The following FLRT2 variants were observed in gnomAD, a reference collection of about 807,000 sequenced individuals.
FLRT2 encodes the protein leucine-rich repeat transmembrane protein FLRT2.
FLRT2 carries 15 observed loss-of-function variants against 40.0 expected under a neutral mutation model. The ratio of observed to expected loss-of-function variants is 0.38; its 90% CI spans 0.25 to 0.58. The LOEUF is 0.58. FLRT2 is among the 20% of genes least tolerant of loss of function. The probability of loss-of-function intolerance (pLI) is 0.71; values close to 1 mark genes in which losing one functional copy is unlikely to be tolerated. For missense variants in FLRT2, 726 were observed against 840.0 expected, an observed-to-expected ratio of 0.86 and a Z score of 1.68; for synonymous variants, 380 against 336.8, an observed-to-expected ratio of 1.13 and a Z score of -1.41.
At chr14:85,597,729 C>T (rs1051612524) in intron 1 of FLRT2, among the ~76,000 whole-genome samples, 3 of 152,146 alleles carry the variant, frequency 2.0e-5, no homozygotes, top group Non-Finnish European at 2.9e-5. Flanking sequence ...GCTAAGGATG[C>T]GGCCAACTTT....
chr14:85,583,031 A>C (rs1334697811), intron 1 of FLRT2, among the ~76,000 whole-genome samples: 1 of 152,122 alleles, frequency 6.6e-6, no homozygotes, highest in African/African-American at 2.4e-5. Context: ...AGCCATCTGA[A>C]AGAAAAGAAC....
chr14:85,563,735 A>G (rs1038023897), intron 1 of FLRT2, among the ~76,000 whole-genome samples: 2 of 152,178 alleles, frequency 1.3e-5, no homozygotes, highest in East Asian at 1.9e-4. Context: ...CAGCAAAACC[A>G]TGACTTGGCT....
chr14:85,648,176 G>A lies in FLRT2; in HGVS notation c.*24679G>A, dbSNP rs1894352890. On this transcript the variant is annotated 3_prime_UTR_variant, in exon 2 of 2. Coordinates refer to ENST00000330753, the MANE Select transcript of FLRT2 (RefSeq NM_013231.6). Reference sequence around the variant, plus strand: ...TGTAAGCCTCATTCTAATTGCATAAGGAATAGTTACTGTATGTTAGGCAGG... The same window carrying A: ...TGTAAGCCTCATTCTAATTGCATAAAGAATAGTTACTGTATGTTAGGCAGG... 6.6e-6 allele frequency: 1 copy of A among 152,090 alleles called. No homozygotes were observed. The highest frequency in any genetic ancestry group is 1.5e-5 in the Non-Finnish European group (1 of 68,008). 9.4% of individuals were successfully genotyped at this position (152,090 alleles called of 1,614,324 possible).
intron 1 of FLRT2, among the ~76,000 whole-genome samples, chr14:85,538,661 T>G (rs1276736955): frequency 6.6e-6 from 1 of 152,076 alleles, no homozygotes; most frequent in African/African-American, 2.4e-5. Flanking sequence ...TGAAAAAATA[T>G]CAGGTCCCAA....
At chr14:85,614,814 T>G (rs1395391192) in intron 1 of FLRT2, among the ~76,000 whole-genome samples, 1 of 152,206 alleles carries the variant, frequency 6.6e-6, no homozygotes, top group Non-Finnish European at 1.5e-5. Flanking sequence ...AAATCAGTTA[T>G]TTTCTCTGAA....
chr14:85,588,227 A>G (rs1461439116), intron 1 of FLRT2, among the ~76,000 whole-genome samples: 6 of 152,120 alleles, frequency 3.9e-5, no homozygotes, highest in Non-Finnish European at 8.8e-5. Context: ...TTCTCCTCAC[A>G]TCTTGTTAAG....
chr14:85,619,394 C>G (rs1893284029), intron 1 of FLRT2, among the ~76,000 whole-genome samples: 2 of 152,080 alleles, frequency 1.3e-5, no homozygotes, highest in South Asian at 4.1e-4. Context: ...CAAGCCCGGC[C>G]ATGCTTGATT....
chr14:85,594,476 G>A (rs1445479199), intron 1 of FLRT2, among the ~76,000 whole-genome samples: 3 of 152,068 alleles, frequency 2.0e-5, no homozygotes, highest in Non-Finnish European at 2.9e-5. Flanking sequence ...CCCTAGGTGC[G>A]GCTTAGCTTG....
intron 1 of FLRT2, 42 bp downstream of exon 1, chr14:85,530,576 GC>G (rs1482123181): frequency 3.9e-5 from 6 of 152,796 alleles, no homozygotes; most frequent in Non-Finnish European, 8.8e-5. Context: ...CCAGTAACCG[GC>G]CGAGCTGCTG....
chr14:85,578,499 C>T (rs1234785112), intron 1 of FLRT2, among the ~76,000 whole-genome samples: 3 of 151,860 alleles, frequency 2.0e-5, no homozygotes, highest in South Asian at 2.1e-4. Flanking sequence ...AAACCGAGGA[C>T]GGATGGCTAA....
At position 85,623,123 on chromosome 14, in the gene FLRT2, A is replaced by G. The variant is rs936155685; in HGVS notation, c.1609A>G (p.Met537Val). The G allele has an allele frequency of 1.9e-6, 3 of 1,609,734 alleles. No individual in the cohort carries two copies. Among genetic ancestry groups the G allele is most frequent in the Non-Finnish European group, 2.5e-6 (3 of 1,177,298 alleles). Reference sequence around the variant, plus strand: ...CCATGAGCAGACGACGTCCCACAGCATGGGCTCCCCCTTTCTGCTGGCGGG... The same window carrying G: ...CCATGAGCAGACGACGTCCCACAGCGTGGGCTCCCCCTTTCTGCTGGCGGG... ...SSHEQTTSHS[M>V]GSPFLLAGLI... Residue 537 changes from methionine to valine, a missense_variant, in exon 2 of 2, where the codon ATG becomes GTG. Met to Val is a conservative substitution (Grantham distance 21). This residue lies in a region of FLRT2 where 611 missense variants were observed against 690.0 expected (regional missense o/e 0.89). Transcript: ENST00000330753.
intron 1 of FLRT2, among the ~76,000 whole-genome samples, chr14:85,611,049 C>A (rs1027841836): frequency 4.6e-5 from 7 of 152,228 alleles, no homozygotes; most frequent in Admixed American, 2.0e-4. Flanking sequence ...GCACCTGGCA[C>A]CACACCCAGC....
intron 1 of FLRT2, among the ~76,000 whole-genome samples, chr14:85,590,651 G>A (rs1232095035): frequency 6.6e-6 from 1 of 152,060 alleles, no homozygotes; most frequent in Non-Finnish European, 1.5e-5. Context: ...CCAGGCTGGA[G>A]TGCAGTGGTG....
Position 85,653,959 on chromosome 14 carries a change from T to C in FLRT2, c.*30462T>C, listed in dbSNP as rs552797280. On this transcript the variant is annotated 3_prime_UTR_variant, in exon 2 of 2. Coordinates refer to ENST00000330753, the MANE Select transcript of FLRT2 (RefSeq NM_013231.6). ...CTTTCTTGACACTAACAGTACATGA[T>C]TCCTAAATGCTATTGCTCACCTCAA... 2 of 152,298 alleles carry C rather than the reference T, an allele frequency of 1.3e-5. No homozygotes were observed. Among genetic ancestry groups the C allele is most frequent in the East Asian group, 3.9e-4 (2 of 5,186 alleles). 9.4% of individuals were successfully genotyped at this position (152,298 alleles called of 1,614,324 possible).
At chr14:85,532,871 C>T (rs1483079428) in intron 1 of FLRT2, among the ~76,000 whole-genome samples, 1 of 152,182 alleles carries the variant, frequency 6.6e-6, no homozygotes, top group African/African-American at 2.4e-5. Context: ...GATCCTCCCT[C>T]TTGGCAGTAC....
In FLRT2 at chr14:85,636,265, A is replaced by G. The variant is rs1331882446; in HGVS notation, c.*12768A>G. 3.3e-5 allele frequency: 5 copies of G among 152,022 alleles called. No homozygotes were observed. The highest frequency in any genetic ancestry group is 2.4e-5 in the African/African-American group (1 of 41,414). The allele number at this position is 152,022 out of a possible 1,614,324, so 9.4% of individuals were successfully genotyped here. The stretch of plus-strand genomic sequence containing the variant: ...AATAGTATTTTTAAAAGAATTTATC[A>G]AAGTAACTATAATAAAAGTATTTAA... On this transcript the variant is annotated 3_prime_UTR_variant, in exon 2 of 2. Coordinates refer to ENST00000330753, the MANE Select transcript of FLRT2 (RefSeq NM_013231.6).
chr14:85,530,298 G>C lies in FLRT2; in HGVS notation c.-613G>C, dbSNP rs998571175. 1 of 152,780 alleles carries C rather than the reference G, an allele frequency of 6.5e-6. No individual in the cohort carries two copies. Among genetic ancestry groups the C allele is most frequent in the African/African-American group, 2.4e-5 (1 of 41,578 alleles). The allele number at this position is 152,780 out of a possible 1,614,324, so 9.5% of individuals were successfully genotyped here. ...TTCCGAGGTGCGCCTCTGGTCCTCC[G>C]TCCCTGGTGCCCAGCAGCGGCGAGG... is the stretch of plus-strand genomic sequence containing the variant. On this transcript the variant is annotated 5_prime_UTR_variant, in exon 1 of 2. Coordinates refer to ENST00000330753, the MANE Select transcript of FLRT2 (RefSeq NM_013231.6).
chr14:85,609,381 T>G lies in FLRT2; in HGVS notation c.-376-11758T>G, dbSNP rs576062673. ...GGTCAATTTCAGCTTTTTCAGGAAC[T>G]CTCACTGGTTTTGAGATTATTCCCA... On this transcript the variant is annotated intron_variant, in intron 1 of 1. Coordinates refer to ENST00000330753, the MANE Select transcript of FLRT2 (RefSeq NM_013231.6). 1.6e-4 allele frequency among the ~76,000 whole-genome samples: 25 copies of G among 152,314 alleles called. 1 individual carries two copies. The South Asian group carries it at 5.2e-3, about 32-fold the overall frequency.
At chr14:85,554,042 C>G (rs1044888641) in intron 1 of FLRT2, among the ~76,000 whole-genome samples, 1 of 152,176 alleles carries the variant, frequency 6.6e-6, no homozygotes, top group Admixed American at 6.5e-5. Context: ...AGCAAGGCCT[C>G]CCTTCTCTTT....
Sources: gnomAD v4.1 joint callset for allele counts (sites outside exome capture counted in the v4.1 genomes callset) on GRCh38, gnomAD v4.1.1 for gene constraint, gnomAD v4.1.1 regional missense constraint, MANE v1.5 for transcripts, NCBI Gene and HGNC (gene_info 2026-07-23, HGNC 2026-07-21) for gene names.